Variants in CSMD1 observed in about 807,000 individuals in gnomAD.
CSMD1 encodes the protein CUB and sushi domain-containing protein 1.
Under a neutral mutation model 417.5 loss-of-function variants are expected in CSMD1, and 213 were observed. That is an observed-to-expected ratio of 0.51 (90% CI 0.46 to 0.57). CSMD1 has a LOEUF of 0.57. CSMD1 is among the 20% of genes least tolerant of loss of function. The pLI is 0.00. For synonymous variants in CSMD1, 2,862 were observed against 1,736.8 expected (o/e 1.65, Z -16.11); for missense variants, 6,923 against 4,529.7 (o/e 1.53, Z -15.17).
At chr8:4,533,394 T>C (rs780772722) in intron 2 of CSMD1, among the ~76,000 whole-genome samples, 2 of 152,222 alleles carry the variant, frequency 1.3e-5, no homozygotes, top group African/African-American at 2.4e-5. Flanking sequence ...GAGATCCATA[T>C]GACCAGGATG....
chr8:4,032,940 T>C (rs1210618810), intron 3 of CSMD1, among the ~76,000 whole-genome samples: 1 of 152,102 alleles, frequency 6.6e-6, no homozygotes, highest in Non-Finnish European at 1.5e-5. Context: ...TTGGAATTAC[T>C]GATAGAACAG....
intron 3 of CSMD1, among the ~76,000 whole-genome samples, chr8:4,233,849 A>G (rs1022279055): frequency 2.6e-5 from 4 of 152,136 alleles, no homozygotes; most frequent in African/African-American, 4.8e-5. Flanking sequence ...TTGGCCATAT[A>G]TAAAGAATCT....
At chr8:3,049,164 A>C (rs555513198) in intron 50 of CSMD1, among the ~76,000 whole-genome samples, 19 of 152,148 alleles carry the variant, frequency 1.2e-4, no homozygotes, top group Non-Finnish European at 2.1e-4. Context: ...TTCTTTGAAG[A>C]TAGTCTGATG....
rs116151377 is a variant in CSMD1 at position 4,628,099 on chromosome 8, C to T, written c.302+9243G>A. Among the ~76,000 whole-genome samples the T allele has an allele frequency of 3.4e-3, 494 of 144,934 alleles. 5 individuals are homozygous for T. The highest frequency in any genetic ancestry group is 0.011 in the African/African-American group (447 of 40,082). On this transcript the variant is annotated intron_variant, in intron 2 of 69. Coordinates refer to ENST00000635120, the MANE Select transcript of CSMD1 (RefSeq NM_033225.6). Reference sequence around the variant, plus strand: ...CATATACATACACATATATTATATACCATATATATACTTCTGTGTGTGTGT... The same window carrying T: ...CATATACATACACATATATTATATATCATATATATACTTCTGTGTGTGTGT...
intron 5 of CSMD1, among the ~76,000 whole-genome samples, chr8:3,838,609 T>A (rs1316304269): frequency 7.3e-6 from 1 of 137,198 alleles, no homozygotes; most frequent in East Asian, 2.1e-4. Context: ...TAAATATTTA[T>A]ATATAATAAA....
intron 6 of CSMD1, among the ~76,000 whole-genome samples, chr8:3,726,824 T>G (rs1802525723): frequency 6.6e-6 from 1 of 152,188 alleles, no homozygotes. Flanking sequence ...GTTTTAATAA[T>G]CAGTTTGAGT....
At chr8:4,971,957 A>C (rs1017274271) in intron 1 of CSMD1, among the ~76,000 whole-genome samples, 3 of 152,044 alleles carry the variant, frequency 2.0e-5, no homozygotes, top group East Asian at 1.9e-4. Context: ...CATGCATTTG[A>C]AGGATAATAA....
At chr8:3,872,871 C>T (rs890743986) in intron 5 of CSMD1, among the ~76,000 whole-genome samples, 3 of 150,646 alleles carry the variant, frequency 2.0e-5, no homozygotes, top group Admixed American at 2.0e-4. Context: ...AAGAAAACAG[C>T]TGCATTAAAA....
intron 3 of CSMD1, among the ~76,000 whole-genome samples, chr8:4,116,371 C>G (rs540686300): frequency 5.5e-4 from 83 of 152,280 alleles, no homozygotes; most frequent in African/African-American, 1.8e-3. Flanking sequence ...TACACTTGTC[C>G]AAACCCATGG....
At chr8:3,066,608 G>A (rs546269039) in intron 49 of CSMD1, among the ~76,000 whole-genome samples, 1 of 152,280 alleles carries the variant, frequency 6.6e-6, no homozygotes, top group East Asian at 1.9e-4. Flanking sequence ...ACAGACAAGA[G>A]AGTAATAGCT....
intron 5 of CSMD1, among the ~76,000 whole-genome samples, chr8:3,770,459 G>T (rs1169006311): frequency 1.3e-5 from 2 of 152,116 alleles, no homozygotes; most frequent in Non-Finnish European, 2.9e-5. Flanking sequence ...AACCCAAGAG[G>T]CAGAGATTGC....
intron 3 of CSMD1, among the ~76,000 whole-genome samples, chr8:4,171,313 T>C (rs1797752616): frequency 6.6e-6 from 1 of 151,962 alleles, no homozygotes; most frequent in Admixed American, 6.5e-5. Flanking sequence ...CCAGGCTGTT[T>C]TCCAGGTGTA....
chr8:3,017,806 TAAAAAAAAAAAAAAA>T (rs777717027), intron 52 of CSMD1, among the ~76,000 whole-genome samples: 3 of 76,484 alleles, frequency 3.9e-5, no homozygotes, highest in Non-Finnish European at 7.4e-5. Flanking sequence ...TTGAGTGATT[TAAAAAAAAAAAAAAA>T]AAAAAAAAAA....
intron 3 of CSMD1, among the ~76,000 whole-genome samples, chr8:4,057,587 T>C (rs1327836832): frequency 6.6e-6 from 1 of 152,012 alleles, no homozygotes. Flanking sequence ...CTTTTGGTGT[T>C]ATAGACATGA....
At chr8:3,857,435 A>T (rs1260553578) in intron 5 of CSMD1, among the ~76,000 whole-genome samples, 1 of 152,222 alleles carries the variant, frequency 6.6e-6, no homozygotes, top group East Asian at 1.9e-4. Context: ...TGGTAAATCC[A>T]AGCCAGATGG....
At chr8:3,500,434 A>C (rs530938303) in intron 10 of CSMD1, among the ~76,000 whole-genome samples, 2 of 152,300 alleles carry the variant, frequency 1.3e-5, no homozygotes, top group East Asian at 1.9e-4. Flanking sequence ...ACACACAGAA[A>C]TGGGGGTCCC....
intron 3 of CSMD1, among the ~76,000 whole-genome samples, chr8:4,245,282 T>C (rs944811653): frequency 1.3e-5 from 2 of 152,162 alleles, no homozygotes; most frequent in Non-Finnish European, 2.9e-5. Context: ...ACTCTACATA[T>C]GTTAACACAA....
At chr8:3,450,999 C>T (rs559121676) in intron 12 of CSMD1, among the ~76,000 whole-genome samples, 40 of 152,246 alleles carry the variant, frequency 2.6e-4, no homozygotes, top group South Asian at 2.3e-3. Context: ...TTTCTAATGA[C>T]TGCCATTCTA....
intron 3 of CSMD1, among the ~76,000 whole-genome samples, chr8:4,190,278 A>G (rs535889112): frequency 2.0e-5 from 3 of 146,802 alleles, no homozygotes; most frequent in South Asian, 4.4e-4. Context: ...AAAAAAAAGC[A>G]GAGACTCTGG....
Sources: allele counts gnomAD v4.1 joint callset (sites outside exome capture counted in the v4.1 genomes callset), GRCh38; gene constraint gnomAD v4.1.1; transcripts MANE v1.5; gene names NCBI Gene and HGNC (gene_info 2026-07-23, HGNC 2026-07-21).